The following APBA2 variants were observed in gnomAD, a reference collection of about 807,000 sequenced individuals.
APBA2 encodes the protein amyloid beta precursor protein binding family A member 2.
In APBA2, 30 loss-of-function variants were observed where a neutral mutation model predicts 75.0. The ratio of observed to expected loss-of-function variants is 0.40; its 90% CI spans 0.30 to 0.54. The LOEUF is 0.54. APBA2 is among the 20% of genes least tolerant of loss of function. The pLI is 0.49. For synonymous variants in APBA2, 444 were observed against 409.6 expected, an observed-to-expected ratio of 1.08 and a Z score of -1.01; for missense variants, 801 against 1,016.1, an observed-to-expected ratio of 0.79 and a Z score of 2.88.
At chr15:29,091,829 C>T (rs2043587736) in intron 6 of APBA2, among the ~76,000 whole-genome samples, 1 of 152,132 alleles carries the variant, frequency 6.6e-6, no homozygotes, top group Non-Finnish European at 1.5e-5. Context: ...CAGGAGGTTG[C>T]TGGCGCGAGG....
chr15:29,069,714 T>C (rs936415513), intron 4 of APBA2, among the ~76,000 whole-genome samples: 1 of 152,236 alleles, frequency 6.6e-6, no homozygotes, highest in Non-Finnish European at 1.5e-5. Context: ...AGGGTCTTTG[T>C]TGCATGCATC....
At chr15:29,107,189 C>T (rs2044463382) in intron 12 of APBA2, among the ~76,000 whole-genome samples, 1 of 152,164 alleles carries the variant, frequency 6.6e-6, no homozygotes, top group South Asian at 2.1e-4. Flanking sequence ...TGGGAAACCC[C>T]CTCAGTGCTG....
At chr15:29,088,289 A>C (rs2043385578) in intron 6 of APBA2, among the ~76,000 whole-genome samples, 1 of 151,972 alleles carries the variant, frequency 6.6e-6, no homozygotes, top group Non-Finnish European at 1.5e-5. Context: ...TTCCTTGCAG[A>C]CTCATCCATG....
intron 2 of APBA2, among the ~76,000 whole-genome samples, chr15:28,966,634 A>G (rs896037373): frequency 1.3e-5 from 2 of 152,150 alleles, no homozygotes; most frequent in East Asian, 3.9e-4. Context: ...CCATTCTGCC[A>G]ATGTCTGTTA....
Position 29,108,368 on chromosome 15 carries a change from C to T in APBA2, c.2016C>T (p.Gly672=), listed in dbSNP as rs758165496. The part of the protein sequence containing the change: ...IKRPDLKYQL[G]FSVQNGIICS... ...GGCCAGACCTCAAGTACCAGCTGGG[C>T]TTCAGCGTGCAGAATGGAATTGTGA... The change falls in exon 13 of 15, where the codon GGC becomes GGT. Residue 672 remains glycine (G), a synonymous_variant. Coordinates refer to ENST00000683413, the MANE Select transcript of APBA2 (RefSeq NM_001353788.2). 3.1e-6 allele frequency: 5 copies of T among 1,614,102 alleles called. 1 individual carries two copies. The South Asian group carries it at 4.4e-5, about 14-fold the overall frequency.
intron 11 of APBA2, 80 bp from the exon 12 acceptor site, chr15:29,106,527 A>C (rs2044414317): frequency 6.8e-7 from 1 of 1,473,470 alleles, no homozygotes; most frequent in Non-Finnish European, 9.4e-7. Flanking sequence ...GGACAGGGTC[A>C]GCCTCATCCT....
chr15:29,114,066 C>G, intron 14 of APBA2, 50 bp downstream of exon 14: 1 of 1,612,886 alleles, frequency 6.2e-7, no homozygotes, highest in South Asian at 1.1e-5. Context: ...CCACGTGCTC[C>G]CGCCTGCCCT....
intron 3 of APBA2, among the ~76,000 whole-genome samples, chr15:29,035,962 A>C (rs1476803357): frequency 6.6e-6 from 1 of 152,150 alleles, no homozygotes; most frequent in Non-Finnish European, 1.5e-5. Context: ...TACCTGGGGA[A>C]GCTTTGGCAA....
At chr15:29,097,886 CCT>C (rs760111695) in intron 8 of APBA2, among the ~76,000 whole-genome samples, 15 of 152,182 alleles carry the variant, frequency 9.9e-5, no homozygotes, top group Non-Finnish European at 1.5e-5. Flanking sequence ...GTAGCTTCCA[CCT>C]GAGTGAGATG....
intron 3 of APBA2, among the ~76,000 whole-genome samples, chr15:29,023,203 T>C (rs1240441969): frequency 6.6e-6 from 1 of 152,168 alleles, no homozygotes; most frequent in African/African-American, 2.4e-5. Context: ...TGTTTGTACT[T>C]CTAGGTAGGG....
At chr15:29,074,202 G>T (rs2042746874) in intron 4 of APBA2, among the ~76,000 whole-genome samples, 1 of 152,164 alleles carries the variant, frequency 6.6e-6, no homozygotes. Flanking sequence ...CACGTTCATA[G>T]CAGCACCATT....
intron 4 of APBA2, among the ~76,000 whole-genome samples, chr15:29,058,632 G>A (rs1242450831): frequency 1.3e-5 from 2 of 152,174 alleles, no homozygotes; most frequent in Non-Finnish European, 2.9e-5. Flanking sequence ...TTTGCAGGGA[G>A]CCCTCCCACC....
intron 3 of APBA2, among the ~76,000 whole-genome samples, chr15:29,029,036 C>A (rs2040360166): frequency 6.6e-6 from 1 of 152,062 alleles, no homozygotes. Flanking sequence ...TCAATTTTTG[C>A]TTTTGATGCA....
intron 3 of APBA2, among the ~76,000 whole-genome samples, chr15:29,049,320 T>C (rs1321458647): frequency 6.6e-6 from 1 of 152,206 alleles, no homozygotes; most frequent in East Asian, 1.9e-4. Flanking sequence ...CTCCCTACCT[T>C]GTGTGTTTAC....
At chr15:29,045,720 C>T (rs1310528129) in intron 3 of APBA2, among the ~76,000 whole-genome samples, 3 of 152,148 alleles carry the variant, frequency 2.0e-5, no homozygotes, top group Non-Finnish European at 4.4e-5. Flanking sequence ...AAGAAACCAC[C>T]AAACAAACAC....
At chr15:28,893,942 C>T (rs2032301118) in intron 1 of APBA2, 2 of 152,222 alleles carry the variant, frequency 1.3e-5, no homozygotes, top group South Asian at 2.1e-4. Context: ...CTAGAGGCAG[C>T]CTCATCTCCA....
At chr15:29,020,180 TGG>T (rs1489589544) in intron 3 of APBA2, among the ~76,000 whole-genome samples, 1 of 152,140 alleles carries the variant, frequency 6.6e-6, no homozygotes, top group African/African-American at 2.4e-5. Context: ...TTTGGGTGTG[TGG>T]GTATACAAGC....
In APBA2 at chr15:29,071,467, C is replaced by T. The variant is rs142618040; in HGVS notation, c.952-3454C>T. Among the ~76,000 whole-genome samples the T allele has an allele frequency of 1.4e-3, 206 of 151,634 alleles. 2 individuals carry two copies. Among genetic ancestry groups the T allele is most frequent in the African/African-American group, 4.4e-3 (183 of 41,314 alleles). On this transcript the variant is annotated intron_variant, in intron 4 of 14. Transcript: ENST00000683413. ...TTCAGGCCCCACTACAGTTACTCAG[C>T]GACAGATGGGACCCCGTGTCCTCTG...
intron 2 of APBA2, among the ~76,000 whole-genome samples, chr15:28,930,027 C>G (rs571935783): frequency 6.1e-4 from 93 of 152,166 alleles, no homozygotes; most frequent in African/African-American, 2.1e-3. Flanking sequence ...CTGGCCCATT[C>G]GCATCTCTAT....
Sources: allele counts gnomAD v4.1 joint callset (sites outside exome capture counted in the v4.1 genomes callset), GRCh38; gene constraint gnomAD v4.1.1; transcripts MANE v1.5; gene names NCBI Gene and HGNC (gene_info 2026-07-23, HGNC 2026-07-21).